Variants in ABCB1 observed in about 807,000 individuals in gnomAD.
ABCB1 encodes the protein ATP-dependent translocase ABCB1.
A neutral mutation model predicts 142.0 loss-of-function variants in ABCB1; 69 were observed. That is an observed-to-expected ratio of 0.49 (90% CI 0.40 to 0.59). The LOEUF (loss-of-function observed/expected upper bound fraction) is 0.59. Among genes scored for constraint, ABCB1 ranks in the 20% least tolerant of loss-of-function variants. ABCB1 has a pLI of 0.00. For missense variants in ABCB1, 1,326 were observed against 1,554.7 expected, an observed-to-expected ratio of 0.85 and a Z score of 2.47; for synonymous variants, 532 against 539.2, an observed-to-expected ratio of 0.99 and a Z score of 0.18.
At chr7:87,664,895 T>C (rs895088711) in intron 1 of ABCB1, among the ~76,000 whole-genome samples, 3 of 152,110 alleles carry the variant, frequency 2.0e-5, no homozygotes, top group Admixed American at 6.6e-5. Context: ...TTTCACAAAA[T>C]TTAACATCCT....
chr7:87,590,762 G>A (rs1818970177), intron 3 of ABCB1, among the ~76,000 whole-genome samples: 2 of 152,226 alleles, frequency 1.3e-5, no homozygotes, highest in African/African-American at 4.8e-5. Context: ...TGACAGGAAG[G>A]AGTCTGGGTT....
chr7:87,687,378 A>T (rs540412216), intron 1 of ABCB1, among the ~76,000 whole-genome samples: 1 of 152,146 alleles, frequency 6.6e-6, no homozygotes, highest in South Asian at 2.1e-4. Flanking sequence ...CCCTTCCACT[A>T]TATTTTAAAT....
chr7:87,646,334 G>A (rs1823000441), intron 1 of ABCB1, among the ~76,000 whole-genome samples: 1 of 152,108 alleles, frequency 6.6e-6, no homozygotes, highest in South Asian at 2.1e-4. Flanking sequence ...AAGTAATCTA[G>A]TGTTATTCCT....
intron 8 of ABCB1, among the ~76,000 whole-genome samples, chr7:87,559,362 T>A (rs1817452114): frequency 6.6e-6 from 1 of 152,128 alleles, no homozygotes; most frequent in Non-Finnish European, 1.5e-5. Context: ...TGAGGGTTTT[T>A]AAATTTATTG....
intron 21 of ABCB1, among the ~76,000 whole-genome samples, chr7:87,529,849 G>A (rs1815952873): frequency 6.6e-6 from 1 of 152,178 alleles, no homozygotes; most frequent in Non-Finnish European, 1.5e-5. Context: ...GTATTCCCTG[G>A]CAGGGGCCAA....
At chr7:87,574,513 G>A (rs758946337) in intron 4 of ABCB1, among the ~76,000 whole-genome samples, 5 of 152,090 alleles carry the variant, frequency 3.3e-5, no homozygotes, top group South Asian at 2.1e-4. Flanking sequence ...CCTTTCTAGC[G>A]TCAACTCACT....
chr7:87,696,580 G>A lies in ABCB1; in HGVS notation c.-331+16581C>T, dbSNP rs1354184726. ...AAAGCTTGTTTGGAGGTTCTAGCAA[G>A]AGAATCTACCTTCTCTTGAAGAATA... On this transcript the variant is annotated intron_variant, in intron 1 of 28. Coordinates refer to the ABCB1 transcript ENST00000265724. Among the ~76,000 whole-genome samples the A allele has an allele frequency of 2.6e-5, 4 of 152,152 alleles. 1 individual carries two copies. Among genetic ancestry groups the A allele is most frequent in the Non-Finnish European group, 5.9e-5 (4 of 68,018 alleles).
At chr7:87,645,374 A>C (rs1822901674) in intron 1 of ABCB1, among the ~76,000 whole-genome samples, 1 of 152,056 alleles carries the variant, frequency 6.6e-6, no homozygotes, top group Non-Finnish European at 1.5e-5. Context: ...TTGAGCCACC[A>C]CGCCTGGCCC....
chr7:87,586,391 A>C lies in ABCB1; in HGVS notation c.118-711T>G, dbSNP rs1471277877. On this transcript the variant is annotated intron_variant, in intron 3 of 27. Transcript: ENST00000622132. ...GGACACAGTTAAGAGGAATGGGCTC[A>C]GGGCCCCCTTGGGAAGTGATTAATA... is the stretch of plus-strand genomic sequence containing the variant. 2.0e-5 allele frequency among the ~76,000 whole-genome samples: 3 copies of C among 152,318 alleles called. No homozygotes were observed. In the East Asian group the frequency reaches 5.8e-4, roughly 29 times the overall value.
In ABCB1 at chr7:87,515,686, G is replaced by T. The variant is rs1460803987; in HGVS notation, c.3085-258C>A. 1.3e-5 allele frequency among the ~76,000 whole-genome samples: 2 copies of T among 152,020 alleles called. 1 individual carries two copies. The highest frequency in any genetic ancestry group is 4.2e-4 in the South Asian group (2 of 4,818). Reference sequence around the variant, plus strand: ...GCTCACTGCAACCTCCACCCCCCAGGTTCAAGCAATTCTCGTACCTCAGCC... The same window carrying T: ...GCTCACTGCAACCTCCACCCCCCAGTTTCAAGCAATTCTCGTACCTCAGCC... On this transcript the variant is annotated intron_variant, in intron 24 of 27. Coordinates refer to ENST00000622132, the MANE Select transcript of ABCB1 (RefSeq NM_001348946.2).
chr7:87,712,787 G>A (rs1391168297), intron 1 of ABCB1, among the ~76,000 whole-genome samples: 1 of 151,960 alleles, frequency 6.6e-6, no homozygotes, highest in Non-Finnish European at 1.5e-5. Flanking sequence ...TCTTCAAACA[G>A]AAACATGGCT....
intron 1 of ABCB1, among the ~76,000 whole-genome samples, chr7:87,679,464 C>T (rs1826710556): frequency 6.7e-6 from 1 of 149,782 alleles, no homozygotes; most frequent in African/African-American, 2.5e-5. Context: ...TCATGGCTCA[C>T]CACAGCCTCC....
chr7:87,712,208 A>G (rs984530966), intron 1 of ABCB1, among the ~76,000 whole-genome samples: 1 of 152,140 alleles, frequency 6.6e-6, no homozygotes, highest in African/African-American at 2.4e-5. Flanking sequence ...GCATAAAGTA[A>G]ATCTGATATA....
intron 4 of ABCB1, among the ~76,000 whole-genome samples, chr7:87,581,008 G>A (rs1028144007): frequency 2.0e-5 from 3 of 151,802 alleles, no homozygotes; most frequent in African/African-American, 7.3e-5. Context: ...GCTTTGTTTT[G>A]TGAATAGTTG....
Position 87,506,011 on chromosome 7 carries a change from A to C in ABCB1, c.3522T>G (p.Thr1174=), listed in dbSNP as rs1368066760. The change falls in exon 27 of 28, where the codon ACT becomes ACG. Residue 1174 remains threonine, a synonymous_variant. Transcript: ENST00000622132. ...KYSTKVGDKG[T]QLSGGQKQRI... is the part of the protein sequence containing the mutation. ...GTTGTTTCTGGCCACCAGAGAGCTG[A>C]GTTCCTTTGTCTCCTACTTTAGTGC... is the stretch of plus-strand genomic sequence containing the variant. 2 of 1,614,092 alleles carry C rather than the reference A, an allele frequency of 1.2e-6. No individual in the cohort carries two copies. Among genetic ancestry groups the C allele is most frequent in the Admixed American group, 3.3e-5 (2 of 60,022 alleles).
chr7:87,525,988 A>C (rs541614537), intron 21 of ABCB1, among the ~76,000 whole-genome samples: 1 of 152,280 alleles, frequency 6.6e-6, no homozygotes, highest in African/African-American at 2.4e-5. Context: ...CTTTTGCCAG[A>C]TTGCGTAAAG....
At chr7:87,702,727 C>T (rs1266150172) in intron 1 of ABCB1, among the ~76,000 whole-genome samples, 1 of 152,024 alleles carries the variant, frequency 6.6e-6, no homozygotes, top group African/African-American at 2.4e-5. Context: ...TCAAATGGAT[C>T]GAACATCCCA....
chr7:87,674,318 C>A (rs1288317060), intron 1 of ABCB1, among the ~76,000 whole-genome samples: 1 of 152,028 alleles, frequency 6.6e-6, no homozygotes, highest in Non-Finnish European at 1.5e-5. Context: ...TACTGGCATC[C>A]ATGCATGCTC....
At chr7:87,576,228 G>A (rs1323139731) in intron 4 of ABCB1, among the ~76,000 whole-genome samples, 1 of 150,936 alleles carries the variant, frequency 6.6e-6, no homozygotes, top group Non-Finnish European at 1.5e-5. Flanking sequence ...TTTTTGGCTT[G>A]AAAACCCTTA....
Sources: gnomAD v4.1 joint callset for allele counts (sites outside exome capture counted in the v4.1 genomes callset) on GRCh38, gnomAD v4.1.1 for gene constraint, MANE v1.5 for transcripts, NCBI Gene and HGNC (gene_info 2026-07-23, HGNC 2026-07-21) for gene names.